The following SLC5A4 variants were observed in gnomAD, a reference collection of about 807,000 sequenced individuals.
SLC5A4 encodes the protein solute carrier family 5 member 4, also known as probable glucose sensor protein SLC5A4.
In SLC5A4, 55 loss-of-function variants were observed where a neutral mutation model predicts 70.3. That is an observed-to-expected ratio of 0.78 (90% confidence interval 0.63 to 0.98). The LOEUF is 0.98. Among genes scored for constraint, SLC5A4 ranks in the 50% least tolerant of loss-of-function variants. The pLI, the probability that SLC5A4 is intolerant of heterozygous loss-of-function variation, is 0.00. For missense variants in SLC5A4, 735 were observed against 839.2 expected, an observed-to-expected ratio of 0.88 and a Z score of 1.53; for synonymous variants, 268 against 305.7, an observed-to-expected ratio of 0.88 and a Z score of 1.29.
At chr22:32,324,329 T>C in the SLC5A4 span, among the ~76,000 whole-genome samples, 16 of 148,888 alleles carry the variant, frequency 1.1e-4, no homozygotes, top group African/African-American at 3.7e-4. Context: ...AAATGAAATA[T>C]TTCAAAATCA....
At position 32,241,440 on chromosome 22, in the gene SLC5A4, T is replaced by A. The variant is rs768839753; in HGVS notation, c.478-2350A>T. Among the ~76,000 whole-genome samples the A allele has an allele frequency of 2.0e-5, 3 of 152,234 alleles. No individual in the cohort carries two copies. In the East Asian group the frequency reaches 5.8e-4, roughly 29 times the overall value. On this transcript the variant is annotated intron_variant, in intron 5 of 14. Coordinates refer to ENST00000266086, the MANE Select transcript of SLC5A4 (RefSeq NM_014227.3). The stretch of plus-strand genomic sequence containing the variant: ...CATGTTTGATGATACACTAGTCTTA[T>A]GGTGGGGATGGAAGAGAACTGCAAA...
the SLC5A4 span, among the ~76,000 whole-genome samples, chr22:32,302,985 C>T: frequency 1.3e-5 from 2 of 152,052 alleles, no homozygotes; most frequent in African/African-American, 2.4e-5. Context: ...TTTAGATTTC[C>T]TTCAGCAGTG....
At chr22:32,269,478 C>A in the SLC5A4 span, 9,129 of 543,984 alleles carry the variant, frequency 0.017, 606 homozygotes, top group African/African-American at 0.15. The surrounding 1 kb of genome is among the most constrained non-coding windows in gnomAD (Gnocchi z 4.1). Context: ...CTGTTCGAGC[C>A]CAACCAGACC....
At chr22:32,297,377 C>T in the SLC5A4 span, among the ~76,000 whole-genome samples, 1 of 151,482 alleles carries the variant, frequency 6.6e-6, no homozygotes, top group African/African-American at 2.4e-5. Context: ...CTGGTTTAGT[C>T]TTGGGAGAGT....
At chr22:32,263,072 ATT>A in the SLC5A4 span, among the ~76,000 whole-genome samples, 4 of 146,376 alleles carry the variant, frequency 2.7e-5, no homozygotes, top group Non-Finnish European at 4.5e-5. Flanking sequence ...CCGGCCCTAC[ATT>A]TTTTTTTTTG....
chr22:32,270,745 C>T, the SLC5A4 span: 2 of 632,370 alleles, frequency 3.2e-6, no homozygotes, highest in South Asian at 3.3e-5. Flanking sequence ...CCGCAACATG[C>T]AGTGCACTGT....
At chr22:32,341,327 G>A in the SLC5A4 span, among the ~76,000 whole-genome samples, 1 of 152,146 alleles carries the variant, frequency 6.6e-6, no homozygotes, top group Non-Finnish European at 1.5e-5. Context: ...GCCGCAAAGA[G>A]GAGCAAGAAG....
the SLC5A4 span, chr22:32,284,631 G>C: frequency 3.9e-5 from 6 of 152,232 alleles, no homozygotes; most frequent in African/African-American, 1.2e-4. Context: ...AGAGGCAAAG[G>C]CTGGAGCTGC....
chr22:32,246,933 T>G (rs908017272), intron 5 of SLC5A4, among the ~76,000 whole-genome samples: 1 of 152,236 alleles, frequency 6.6e-6, no homozygotes, highest in Non-Finnish European at 1.5e-5. Flanking sequence ...TAGAGTGAAC[T>G]TAAGAAAAAT....
chr22:32,224,438 A>G lies in SLC5A4; in HGVS notation c.1494T>C (p.Ile498=). The change falls in exon 13 of 15, where the codon ATT becomes ATC. Residue 498 remains isoleucine, a synonymous_variant. Transcript: ENST00000266086. ...CATAAGCAAACTCTGTTATCATACG[A>G]ATGAGGCCCATTGCAAGTCCAACCA... ...GLMVGLAMGL[I]RMITEFAYGT... 1.9e-6 allele frequency: 3 copies of G among 1,614,034 alleles called. No homozygotes were observed. Among genetic ancestry groups the G allele is most frequent in the Non-Finnish European group, 2.5e-6 (3 of 1,179,950 alleles).
chr22:32,345,083 T>C, the SLC5A4 span, among the ~76,000 whole-genome samples: 1 of 152,104 alleles, frequency 6.6e-6, no homozygotes. Flanking sequence ...AACCACATTT[T>C]CAAGTTTAGA....
At chr22:32,351,189 T>C in the SLC5A4 span, among the ~76,000 whole-genome samples, 5 of 152,268 alleles carry the variant, frequency 3.3e-5, no homozygotes, top group East Asian at 7.7e-4. Flanking sequence ...CTGGAACTTA[T>C]TACCTCCATG....
At chr22:32,261,246 G>A in the SLC5A4 span, among the ~76,000 whole-genome samples, 1 of 152,216 alleles carries the variant, frequency 6.6e-6, no homozygotes, top group Admixed American at 6.5e-5. Context: ...AGAGCTGGCT[G>A]CAGTTCAGGT....
chr22:32,330,583 G>GGTGT, the SLC5A4 span, among the ~76,000 whole-genome samples: 3,843 of 124,480 alleles, frequency 0.031, 236 homozygotes, highest in East Asian at 0.22. Context: ...TGGGGGCTGT[G>GGTGT]GTGTGTGTGT....
intron 4 of SLC5A4, 129 bp downstream of exon 4, chr22:32,248,614 C>T: frequency 2.9e-6 from 2 of 699,372 alleles, no homozygotes; most frequent in South Asian, 3.5e-5. Context: ...GAGCTCCCAT[C>T]TCCTCTGCTG....
At chr22:32,294,664 GCTTTTT>G in the SLC5A4 span, among the ~76,000 whole-genome samples, 2 of 110,958 alleles carry the variant, frequency 1.8e-5, no homozygotes, top group African/African-American at 3.4e-5. Flanking sequence ...ATGGTGGTTG[GCTTTTT>G]CTTTTTATTA....
the SLC5A4 span, among the ~76,000 whole-genome samples, chr22:32,305,292 C>CT: frequency 6.6e-6 from 1 of 151,810 alleles, no homozygotes; most frequent in South Asian, 2.1e-4. Context: ...AGACACGTGT[C>CT]TGACTGCTCC....
At chr22:32,328,800 C>T in the SLC5A4 span, among the ~76,000 whole-genome samples, 1 of 152,234 alleles carries the variant, frequency 6.6e-6, no homozygotes, top group Non-Finnish European at 1.5e-5. Flanking sequence ...TACAAGGCCT[C>T]AGGGCAGTGC....
At chr22:32,310,447 A>C in the SLC5A4 span, among the ~76,000 whole-genome samples, 2 of 152,288 alleles carry the variant, frequency 1.3e-5, no homozygotes, top group South Asian at 4.2e-4. Flanking sequence ...CACGTGGGAC[A>C]CAGCTGTGGC....
Sources: allele counts gnomAD v4.1 joint callset (sites outside exome capture counted in the v4.1 genomes callset), GRCh38; gene constraint gnomAD v4.1.1; non-coding constraint Gnocchi (gnomAD v3.1); transcripts MANE v1.5; gene names NCBI Gene and HGNC (gene_info 2026-07-23, HGNC 2026-07-21).